The following CFAP77 variants were observed in gnomAD, a reference collection of about 807,000 sequenced individuals.
CFAP77 encodes the protein cilia- and flagella-associated protein 77.
In CFAP77, 25 loss-of-function variants were observed where a neutral mutation model predicts 31.1. The ratio of observed to expected loss-of-function variants is 0.80; its 90% confidence interval spans 0.59 to 1.12. The LOEUF (loss-of-function observed/expected upper bound fraction) is 1.12, where lower values mean the gene tolerates loss of function less well. Ranked by LOEUF, CFAP77 falls within the 50% of genes most tolerant of loss-of-function variation. The pLI is 0.00. For missense variants in CFAP77, 377 were observed against 397.3 expected (o/e 0.95, Z 0.44); for synonymous variants, 151 against 159.9 (o/e 0.94, Z 0.42).
intron 5 of CFAP77, among the ~76,000 whole-genome samples, chr9:132,553,946 C>G (rs957431080): frequency 6.6e-6 from 1 of 152,214 alleles, no homozygotes; most frequent in African/African-American, 2.4e-5. Flanking sequence ...TAGTCGGATT[C>G]GTGTATACTA....
rs1436105050 is a variant in CFAP77 at position 132,554,264 on chromosome 9, G to T, written c.732+11217G>T. ...GCTTCATGTGGCAGAAATTGAGCAA[G>T]GGTTAGAATCTGTTTAAACCAGGGG... On this transcript the variant is annotated intron_variant, in intron 5 of 5. Coordinates refer to ENST00000393216, the MANE Select transcript of CFAP77 (RefSeq NM_001282957.2). This position sits in a 1 kb window ranked among gnomAD's most constrained non-coding sequence, Gnocchi z 4.1. Among the ~76,000 whole-genome samples the T allele has an allele frequency of 6.6e-6, 1 of 152,214 alleles. No individual in the cohort carries two copies. Among genetic ancestry groups the T allele is most frequent in the Non-Finnish European group, 1.5e-5 (1 of 68,036 alleles).
intron 1 of CFAP77, among the ~76,000 whole-genome samples, chr9:132,472,941 G>A (rs530404514): frequency 6.6e-6 from 1 of 152,278 alleles, no homozygotes; most frequent in South Asian, 2.1e-4. Flanking sequence ...GGCACAGAGT[G>A]ACTGATAAAG....
At chr9:132,436,020 A>G (rs915706215) in intron 1 of CFAP77, among the ~76,000 whole-genome samples, 20 of 152,212 alleles carry the variant, frequency 1.3e-4, no homozygotes, top group African/African-American at 2.2e-4. Context: ...AGGAGAACCC[A>G]GGGAATGAAG....
At chr9:132,460,867 A>G (rs1257701779) in intron 1 of CFAP77, among the ~76,000 whole-genome samples, 1 of 152,088 alleles carries the variant, frequency 6.6e-6, no homozygotes, top group East Asian at 1.9e-4. Context: ...CTGGGATTAC[A>G]GGTGCCCGCC....
At chr9:132,570,191 G>C (rs893936997) in intron 5 of CFAP77, among the ~76,000 whole-genome samples, 1 of 152,230 alleles carries the variant, frequency 6.6e-6, no homozygotes, top group Admixed American at 6.5e-5. Flanking sequence ...TCTCTTCTCA[G>C]TGTGTCTTGT....
At position 132,482,960 on chromosome 9, in the gene CFAP77, T is replaced by A. The variant is rs1486810492; in HGVS notation, c.196-15735T>A. ...TAAAACTTAAAGTATAATAATAATTTAAAAAAAAAAAAAAGAACGCACCCT... is the reference window on the plus strand; with the variant it reads ...TAAAACTTAAAGTATAATAATAATTAAAAAAAAAAAAAAAGAACGCACCCT... On this transcript the variant is annotated intron_variant, in intron 1 of 5. Coordinates refer to ENST00000393216, the MANE Select transcript of CFAP77 (RefSeq NM_001282957.2). 5.3e-3 allele frequency among the ~76,000 whole-genome samples: 754 copies of A among 141,078 alleles called. 2 individuals carry two copies. Among genetic ancestry groups the A allele is most frequent in the Middle Eastern group, 0.012 (3 of 256 alleles). 92.6% of individuals were successfully genotyped at this position (141,078 alleles called of 152,430 possible).
At chr9:132,438,647 C>T (rs1850557893) in intron 1 of CFAP77, among the ~76,000 whole-genome samples, 1 of 150,026 alleles carries the variant, frequency 6.7e-6, no homozygotes, top group East Asian at 1.9e-4. Flanking sequence ...TCAATCCTCC[C>T]ACCTCAGCCT....
intron 3 of CFAP77, among the ~76,000 whole-genome samples, chr9:132,512,941 C>T (rs1315852610): frequency 6.6e-6 from 1 of 152,040 alleles, no homozygotes; most frequent in Non-Finnish European, 1.5e-5. Flanking sequence ...GGGTAAAACT[C>T]CATTTCAAAT....
Position 132,499,403 on chromosome 9 carries a change from G to A in CFAP77, c.327G>A (p.Gln109=). 6.2e-7 allele frequency: 1 copy of A among 1,614,196 alleles called. No individual in the cohort carries two copies. Residue 109 remains glutamine, a synonymous_variant, in exon 3 of 6, where the codon CAG becomes CAA. Coordinates refer to ENST00000393216, the MANE Select transcript of CFAP77 (RefSeq NM_001282957.2). This position sits in a 1 kb window ranked among gnomAD's most constrained non-coding sequence, Gnocchi z 5.4. ...GACGCTGGAACGTGTTCAAGCAGCA[G>A]CCCACCTGCCCCCACGAGCTGACCC... ...AIGRWNVFKQ[Q]PTCPHELTRN... is the part of the protein sequence containing the mutation.
chr9:132,429,963 G>A (rs1314561040), intron 1 of CFAP77, among the ~76,000 whole-genome samples: 1 of 152,120 alleles, frequency 6.6e-6, no homozygotes, highest in African/African-American at 2.4e-5. Context: ...AAGAGGCTCA[G>A]TTAACCCAAC....
At chr9:132,473,719 T>C (rs761005013) in intron 1 of CFAP77, among the ~76,000 whole-genome samples, 2 of 152,160 alleles carry the variant, frequency 1.3e-5, no homozygotes, top group African/African-American at 4.8e-5. Context: ...GTTTCACTCT[T>C]GTCACCCAGG....
rs578008966 is a variant in CFAP77 at position 132,511,799 on chromosome 9, T to G, written c.524+12199T>G. On this transcript the variant is annotated intron_variant, in intron 3 of 5. Coordinates refer to ENST00000393216, the MANE Select transcript of CFAP77 (RefSeq NM_001282957.2). The surrounding 1 kb of genome is among the most constrained non-coding windows in gnomAD (Gnocchi z 5.8). ...GCGGCCGCGCGGCGGCTCACGCCTG[T>G]CATCCCAGCACTGTGGGAGGCTGAG... Among the ~76,000 whole-genome samples the G allele has an allele frequency of 2.1e-3, 325 of 152,352 alleles. 3 individuals are homozygous for G. The highest frequency in any genetic ancestry group is 7.6e-3 in the African/African-American group (314 of 41,584).
At chr9:132,540,459 C>T (rs1353006838) in intron 4 of CFAP77, among the ~76,000 whole-genome samples, 1 of 152,108 alleles carries the variant, frequency 6.6e-6, no homozygotes, top group Non-Finnish European at 1.5e-5. Context: ...TAAACAAGGC[C>T]CCACCATACT....
At chr9:132,471,273 T>A (rs1163940797) in intron 1 of CFAP77, among the ~76,000 whole-genome samples, 1 of 152,126 alleles carries the variant, frequency 6.6e-6, no homozygotes, top group Non-Finnish European at 1.5e-5. Flanking sequence ...GAGGCAGAAG[T>A]TGAGAAGGTC....
At chr9:132,463,598 C>G (rs1453732061) in intron 1 of CFAP77, among the ~76,000 whole-genome samples, 2 of 152,092 alleles carry the variant, frequency 1.3e-5, no homozygotes, top group African/African-American at 4.8e-5. Context: ...GTGGAAGACC[C>G]CCAGTGATAC....
chr9:132,418,744 C>CA (rs1044268010), intron 1 of CFAP77, among the ~76,000 whole-genome samples: 1 of 152,188 alleles, frequency 6.6e-6, no homozygotes, highest in African/African-American at 2.4e-5. Flanking sequence ...AACTCATTAG[C>CA]AAAGGGGCTG....
At chr9:132,536,001 G>A (rs1209153608) in intron 3 of CFAP77, among the ~76,000 whole-genome samples, 1 of 151,998 alleles carries the variant, frequency 6.6e-6, no homozygotes, top group Non-Finnish European at 1.5e-5. Context: ...TAGTTAATAA[G>A]TTTGGTTTAT....
intron 1 of CFAP77, among the ~76,000 whole-genome samples, chr9:132,482,127 TAAG>T: frequency 6.6e-6 from 1 of 152,214 alleles, no homozygotes; most frequent in East Asian, 1.9e-4. Context: ...ATTTCTGTTT[TAAG>T]TTTTGAAAAG....
intron 1 of CFAP77, among the ~76,000 whole-genome samples, chr9:132,443,101 T>C (rs916573529): frequency 1.3e-5 from 2 of 152,220 alleles, no homozygotes; most frequent in South Asian, 2.1e-4. Flanking sequence ...AACATGTTTT[T>C]AAGGTTCATC....
Sources: gnomAD v4.1 joint callset for allele counts (sites outside exome capture counted in the v4.1 genomes callset) on GRCh38, gnomAD v4.1.1 for gene constraint, Gnocchi (gnomAD v3.1) non-coding constraint, MANE v1.5 for transcripts, NCBI Gene and HGNC (gene_info 2026-07-23, HGNC 2026-07-21) for gene names.